CDKL4: variants seen among roughly 807,000 people sequenced by gnomAD.
CDKL4 encodes the protein cyclin dependent kinase like 4.
Under a neutral mutation model 42.0 loss-of-function variants are expected in CDKL4, and 44 were observed. That is an observed-to-expected ratio of 1.05 (90% CI 0.82 to 1.35). CDKL4 has a LOEUF of 1.35. Ranked by LOEUF, CDKL4 falls within the 40% of genes most tolerant of loss-of-function variation. The pLI, the probability that CDKL4 is intolerant of heterozygous loss-of-function variation, is 0.00. For missense variants in CDKL4, 393 were observed against 369.9 expected, an observed-to-expected ratio of 1.06 and a Z score of -0.51; for synonymous variants, 120 against 121.6, an observed-to-expected ratio of 0.99 and a Z score of 0.09.
intron 6 of CDKL4, among the ~76,000 whole-genome samples, chr2:39,189,341 A>C (rs1410969713): frequency 6.6e-6 from 1 of 152,212 alleles, no homozygotes. Context: ...CCTATTCTGC[A>C]CTTACCTGGC....
At chr2:39,184,702 G>A (rs1400400676) in intron 7 of CDKL4, 55 bp from the exon 8 acceptor site, 1 of 1,138,844 alleles carries the variant, frequency 8.8e-7, no homozygotes, top group African/African-American at 1.5e-5. Context: ...TAATATGTGT[G>A]TGTATATATG....
intron 1 of CDKL4, among the ~76,000 whole-genome samples, 133 bp downstream of exon 1, chr2:39,243,738 C>A (rs1381475390): frequency 2.6e-5 from 4 of 152,240 alleles, no homozygotes; most frequent in African/African-American, 9.6e-5. Context: ...AAGCGGAAGG[C>A]GGTCCCGCTT....
intron 9 of CDKL4, among the ~76,000 whole-genome samples, chr2:39,177,202 G>A (rs1344457427): frequency 2.0e-5 from 3 of 152,140 alleles, no homozygotes; most frequent in East Asian, 3.8e-4. Context: ...TGCAGGCATT[G>A]AAGGAAGGGT....
chr2:39,177,049 G>T (rs999378444), intron 9 of CDKL4, among the ~76,000 whole-genome samples: 1 of 152,114 alleles, frequency 6.6e-6, no homozygotes, highest in Non-Finnish European at 1.5e-5. Flanking sequence ...ATAGAATGCA[G>T]TTTACAGAGG....
intron 8 of CDKL4, among the ~76,000 whole-genome samples, chr2:39,182,719 A>T (rs1675508200): frequency 6.6e-6 from 1 of 152,214 alleles, no homozygotes; most frequent in Admixed American, 6.5e-5. Flanking sequence ...CTTCTTCTTG[A>T]TGGACCAGCT....
chr2:39,183,302 A>T (rs1400817327), intron 8 of CDKL4, among the ~76,000 whole-genome samples: 2 of 152,134 alleles, frequency 1.3e-5, no homozygotes, highest in African/African-American at 4.8e-5. Context: ...CAAAGAATTA[A>T]AGTCTTCTCT....
At chr2:39,234,646 C>T (rs987955033) in intron 1 of CDKL4, among the ~76,000 whole-genome samples, 4 of 152,078 alleles carry the variant, frequency 2.6e-5, no homozygotes, top group African/African-American at 4.8e-5. Context: ...CCCAGAACAA[C>T]GAACTCCAAG....
chr2:39,201,333 T>C lies in CDKL4; in HGVS notation c.454+3194A>G, dbSNP rs968394023. 4.7e-5 allele frequency among the ~76,000 whole-genome samples: 7 copies of C among 147,628 alleles called. No individual in the cohort carries two copies. The East Asian group carries it at 9.8e-4, about 21-fold the overall frequency. On this transcript the variant is annotated intron_variant, in intron 5 of 9. Coordinates refer to ENST00000451199, the Ensembl canonical transcript of CDKL4. Reference sequence around the variant, plus strand: ...AAAAAAAAAACTACAGATGTTGGCATGGATGTGGTGAAAAGGGAACACTTT... The same window carrying C: ...AAAAAAAAAACTACAGATGTTGGCACGGATGTGGTGAAAAGGGAACACTTT...
At chr2:39,172,596 T>G (rs1216357815), downstream of CDKL4, among the ~76,000 whole-genome samples, 1 of 152,186 alleles carries the variant, frequency 6.6e-6, no homozygotes, top group Non-Finnish European at 1.5e-5. Context: ...TCTTTCTTTT[T>G]TTTGAGACGG....
chr2:39,196,945 AACTC>A (rs1336676487), intron 5 of CDKL4, among the ~76,000 whole-genome samples: 9 of 152,174 alleles, frequency 5.9e-5, no homozygotes, highest in African/African-American at 2.2e-4. Flanking sequence ...AGATCACACT[AACTC>A]ACCAGCAATG....
chr2:39,185,370 ATACATATG>A (rs1157820463), intron 7 of CDKL4, among the ~76,000 whole-genome samples: 1 of 90,776 alleles, frequency 1.1e-5, no homozygotes, highest in Non-Finnish European at 2.1e-5. Context: ...ACATATATAT[ATACATATG>A]TATATATACA....
chr2:39,175,750 A>T (rs1323034650), exon 10 of CDKL4: 1 of 234,466 alleles, frequency 4.3e-6, no homozygotes, highest in African/African-American at 2.3e-5. Flanking sequence ...TGCTCTGATG[A>T]AATTGAAAAT....
In CDKL4 at chr2:39,185,255, T is replaced by C. The variant is rs185159291; in HGVS notation, c.736-608A>G. ...ACGTATATATACATATATACACATA[T>C]GTATATATACATATATATACACATA... On this transcript the variant is annotated intron_variant, in intron 7 of 9. Coordinates refer to ENST00000451199, the Ensembl canonical transcript of CDKL4. Among the ~76,000 whole-genome samples the C allele has an allele frequency of 1.4e-3, 99 of 69,574 alleles. 4 individuals carry two copies. Among genetic ancestry groups the C allele is most frequent in the South Asian group, 4.5e-3 (8 of 1,778 alleles). The allele number at this position is 69,574 out of a possible 152,430, so 45.6% of individuals were successfully genotyped here. A position where few individuals can be genotyped will look rare whatever the true frequency, so the allele number is the denominator to read the frequency against.
intron 1 of CDKL4, among the ~76,000 whole-genome samples, chr2:39,231,219 AAAACAAACAAAC>A (rs144520887): frequency 2.0e-5 from 3 of 151,204 alleles, no homozygotes; most frequent in Non-Finnish European, 2.9e-5. Context: ...CTCAAAAACA[AAAACAAACAAAC>A]AAACAAACAA....
the CDKL4 span, among the ~76,000 whole-genome samples, chr2:39,170,037 T>A: frequency 6.6e-6 from 1 of 152,202 alleles, no homozygotes; most frequent in African/African-American, 2.4e-5. Flanking sequence ...ACTTTTGTAT[T>A]TTTTGTGGTA....
At chr2:39,246,259 A>G (rs1679909009), upstream of CDKL4, among the ~76,000 whole-genome samples, 1 of 152,114 alleles carries the variant, frequency 6.6e-6, no homozygotes, top group African/African-American at 2.4e-5. Context: ...CAAAACAAAA[A>G]CCTTTATCTC....
At chr2:39,240,833 T>C (rs1251390300) in intron 1 of CDKL4, among the ~76,000 whole-genome samples, 3 of 152,148 alleles carry the variant, frequency 2.0e-5, no homozygotes, top group South Asian at 2.1e-4. Flanking sequence ...ATCTCCTCTG[T>C]GGTATTCTTG....
intron 2 of CDKL4, among the ~76,000 whole-genome samples, chr2:39,229,018 C>T (rs896637089): frequency 2.0e-5 from 3 of 152,044 alleles, no homozygotes; most frequent in Non-Finnish European, 4.4e-5. Flanking sequence ...ACTCTCTGTG[C>T]CAGGAGGTGC....
At chr2:39,185,363 TATATATATAC>T (rs1675722617) in intron 7 of CDKL4, among the ~76,000 whole-genome samples, 2 of 92,870 alleles carry the variant, frequency 2.2e-5, no homozygotes, top group Non-Finnish European at 4.2e-5. Flanking sequence ...TATATATACA[TATATATATAC>T]ATATGTATAT....
Sources: allele counts gnomAD v4.1 joint callset (sites outside exome capture counted in the v4.1 genomes callset), GRCh38; gene constraint gnomAD v4.1.1; transcripts MANE v1.5; gene names NCBI Gene and HGNC (gene_info 2026-07-23, HGNC 2026-07-21).